ARID1B: variants seen among roughly 807,000 people sequenced by gnomAD.
ARID1B encodes AT-rich interaction domain 1B, also known as AT-rich interactive domain-containing protein 1B.
ARID1B carries 30 observed loss-of-function variants against 212.3 expected under a neutral mutation model. That is an observed-to-expected ratio of 0.14 (90% confidence interval 0.11 to 0.19). ARID1B has a LOEUF of 0.19. ARID1B is among the 10% of genes least tolerant of loss of function. ARID1B has a pLI of 1.00. For synonymous variants in ARID1B, 1,402 were observed against 1,301.7 expected (o/e 1.08, Z -1.66); for missense variants, 2,891 against 3,204.0 (o/e 0.90, Z 2.36).
chr6:156,961,755 GGCT>G (rs1794393237), intron 4 of ARID1B, among the ~76,000 whole-genome samples: 1 of 152,150 alleles, frequency 6.6e-6, no homozygotes, highest in African/African-American at 2.4e-5. Context: ...GGGCACACGG[GGCT>G]GGGAGCAACT....
chr6:156,801,196 C>CT (rs397887993), intron 1 of ARID1B, among the ~76,000 whole-genome samples: 2,980 of 105,906 alleles, frequency 0.028, 138 homozygotes, highest in African/African-American at 0.09. Flanking sequence ...CTTGAATAAT[C>CT]TTTTTTTTTT....
intron 8 of ARID1B, among the ~76,000 whole-genome samples, chr6:157,160,961 G>A (rs190023515): frequency 3.7e-4 from 56 of 152,270 alleles, no homozygotes; most frequent in African/African-American, 1.2e-3. Flanking sequence ...TCGCAACTTC[G>A]CACTCGCTGC....
At chr6:157,139,885 G>A (rs1378732220) in intron 7 of ARID1B, among the ~76,000 whole-genome samples, 1 of 151,620 alleles carries the variant, frequency 6.6e-6, no homozygotes, top group African/African-American at 2.4e-5. Flanking sequence ...ACCATACCCA[G>A]CTAATTTTTC....
intron 10 of ARID1B, 80 bp from the exon 11 acceptor site, chr6:157,174,767 A>G (rs1285315531): frequency 1.0e-6 from 1 of 979,498 alleles, no homozygotes; most frequent in Non-Finnish European, 1.4e-6. Context: ...TAGTTTGTTA[A>G]AGTGGATGTA....
intron 1 of ARID1B, among the ~76,000 whole-genome samples, chr6:156,827,403 T>C (rs1249316262): frequency 6.6e-6 from 1 of 152,208 alleles, no homozygotes; most frequent in Non-Finnish European, 1.5e-5. Flanking sequence ...GCTTGCTTCC[T>C]CCCACCACTG....
intron 1 of ARID1B, among the ~76,000 whole-genome samples, chr6:156,822,876 G>A (rs1176532699): frequency 1.3e-5 from 2 of 152,154 alleles, no homozygotes; most frequent in African/African-American, 2.4e-5. Flanking sequence ...CAGGCTAGAC[G>A]GCCGTGTTGC....
chr6:157,123,466 G>A (rs557949323), intron 6 of ARID1B, among the ~76,000 whole-genome samples: 2 of 152,304 alleles, frequency 1.3e-5, no homozygotes, highest in African/African-American at 2.4e-5. Flanking sequence ...GCTAAGTGAG[G>A]CAGGATCCCC....
chr6:156,873,271 G>T (rs1357382026), intron 2 of ARID1B, among the ~76,000 whole-genome samples: 1 of 152,152 alleles, frequency 6.6e-6, no homozygotes, highest in African/African-American at 2.4e-5. Context: ...GTAATTATGT[G>T]ATTAATGATT....
chr6:156,951,610 A>AT (rs1214972834), intron 4 of ARID1B, among the ~76,000 whole-genome samples: 2 of 151,724 alleles, frequency 1.3e-5, no homozygotes. Flanking sequence ...CGCCCAACTA[A>AT]TTTTTTGTGT....
intron 2 of ARID1B, among the ~76,000 whole-genome samples, chr6:156,843,810 TG>T (rs1213373004): frequency 6.6e-6 from 1 of 152,236 alleles, no homozygotes; most frequent in African/African-American, 2.4e-5. Flanking sequence ...AGATGTTTAC[TG>T]GTAGCCCTAA....
chr6:156,807,233 C>T (rs1169809915), intron 1 of ARID1B, among the ~76,000 whole-genome samples: 2 of 150,936 alleles, frequency 1.3e-5, no homozygotes. Flanking sequence ...AAGTTCAGAT[C>T]TATGGAGTGG....
At chr6:156,984,199 G>A (rs1163772235) in intron 4 of ARID1B, among the ~76,000 whole-genome samples, 1 of 152,130 alleles carries the variant, frequency 6.6e-6, no homozygotes, top group Non-Finnish European at 1.5e-5. Flanking sequence ...AAACAGCACA[G>A]CAAGGCATGC....
At chr6:156,954,829 G>A (rs1378132408) in intron 4 of ARID1B, among the ~76,000 whole-genome samples, 2 of 152,130 alleles carry the variant, frequency 1.3e-5, no homozygotes, top group East Asian at 1.9e-4. Context: ...TTCCCCCACT[G>A]TGTGGTCTCA....
At chr6:157,124,526 A>G (rs1027229872) in intron 6 of ARID1B, among the ~76,000 whole-genome samples, 4 of 152,234 alleles carry the variant, frequency 2.6e-5, no homozygotes, top group East Asian at 1.9e-4. Flanking sequence ...CATCAGCTGT[A>G]TGAAGGCAAG....
intron 2 of ARID1B, among the ~76,000 whole-genome samples, chr6:156,832,051 GC>G (rs1262464004): frequency 2.0e-5 from 3 of 152,120 alleles, no homozygotes; most frequent in Non-Finnish European, 4.4e-5. Flanking sequence ...ATAACAGAAT[GC>G]ACTTTTGAAT....
At chr6:156,801,716 G>A (rs1374760590) in intron 1 of ARID1B, among the ~76,000 whole-genome samples, 1 of 152,038 alleles carries the variant, frequency 6.6e-6, no homozygotes, top group East Asian at 1.9e-4. Flanking sequence ...AGAAAAGGCT[G>A]TTTGGAACCA....
chr6:157,040,802 A>G (rs1289846532), intron 4 of ARID1B, among the ~76,000 whole-genome samples: 2 of 152,160 alleles, frequency 1.3e-5, no homozygotes, highest in Admixed American at 6.5e-5. Flanking sequence ...ATAGAGATTC[A>G]TTGTTTTGTT....
chr6:156,913,222 T>C (rs893467666), intron 3 of ARID1B, among the ~76,000 whole-genome samples: 3 of 149,202 alleles, frequency 2.0e-5, no homozygotes, highest in Admixed American at 6.6e-5. Flanking sequence ...TTTTTCTTTT[T>C]TTTTTTTTTT....
In ARID1B at chr6:157,038,965, G is replaced by A. The variant is rs746753281; in HGVS notation, c.2248-45697G>A. 9.9e-5 allele frequency among the ~76,000 whole-genome samples: 15 copies of A among 151,548 alleles called. No individual in the cohort carries two copies. The South Asian group carries it at 2.1e-3, about 21-fold the overall frequency. ...GTTGCCCAGGCTGGAGTGCAGCGGC[G>A]CGATCATGGCTCATTGCAGCCTCAA... On this transcript the variant is annotated intron_variant, in intron 4 of 19. Coordinates refer to ENST00000636930, the MANE Select transcript of ARID1B (RefSeq NM_001374828.1).
Sources: gnomAD v4.1 joint callset for allele counts (sites outside exome capture counted in the v4.1 genomes callset) on GRCh38, gnomAD v4.1.1 for gene constraint, MANE v1.5 for transcripts, NCBI Gene and HGNC (gene_info 2026-07-23, HGNC 2026-07-21) for gene names.